The following NCOA1 variants were observed in gnomAD, a reference collection of about 807,000 sequenced individuals.
NCOA1 encodes Hin-2 protein.
Under a neutral mutation model 150.9 loss-of-function variants are expected in NCOA1, and 35 were observed. That is an observed-to-expected ratio of 0.23 (90% confidence interval 0.18 to 0.31). The LOEUF is 0.31. NCOA1 is among the 10% of genes least tolerant of loss of function. NCOA1 has a pLI of 1.00. For missense variants in NCOA1, 1,491 were observed against 1,749.3 expected (o/e 0.85, Z 2.63); for synonymous variants, 590 against 630.0 (o/e 0.94, Z 0.95).
intron 3 of NCOA1, among the ~76,000 whole-genome samples, chr2:24,611,783 A>C (rs189726634): frequency 6.6e-6 from 1 of 151,582 alleles, no homozygotes; most frequent in East Asian, 1.9e-4. Context: ...TCTTTCTCCA[A>C]CCCTTTACTT....
At chr2:24,521,851 T>C (rs970131120) in intron 1 of NCOA1, among the ~76,000 whole-genome samples, 1 of 152,190 alleles carries the variant, frequency 6.6e-6, no homozygotes, top group South Asian at 2.1e-4. Context: ...TCACCAACAA[T>C]GTATAAGGTT....
chr2:24,726,550 A>T, intron 14 of NCOA1, 39 bp from the exon 15 acceptor site: 1 of 1,291,472 alleles, frequency 7.7e-7, no homozygotes, highest in Non-Finnish European at 1.1e-6. Flanking sequence ...TTTATCCTCC[A>T]CTGAGATAAT....
At chr2:24,518,939 G>C (rs569250015) in intron 1 of NCOA1, among the ~76,000 whole-genome samples, 1 of 152,088 alleles carries the variant, frequency 6.6e-6, no homozygotes, top group Non-Finnish European at 1.5e-5. Context: ...CAAAATCCTA[G>C]CAGGAATTTT....
At chr2:24,510,966 CAG>C (rs1663912980) in intron 1 of NCOA1, among the ~76,000 whole-genome samples, 1 of 152,180 alleles carries the variant, frequency 6.6e-6, no homozygotes, top group African/African-American at 2.4e-5. Flanking sequence ...TTTGTTTCCT[CAG>C]AAAGAAATTC....
intron 21 of NCOA1, among the ~76,000 whole-genome samples, chr2:24,760,420 G>A (rs973850161): frequency 1.1e-4 from 16 of 149,902 alleles, no homozygotes; most frequent in African/African-American, 3.7e-4. Context: ...GCCTCCCAAA[G>A]TGCTGGGATT....
rs1294614066 is a variant in NCOA1, at chr2:24,741,984, C to T, written c.3504C>T (p.Pro1168=). The T allele has an allele frequency of 6.2e-7, 1 of 1,614,238 alleles. No homozygotes were observed. The highest frequency in any genetic ancestry group is 8.5e-7 in the Non-Finnish European group (1 of 1,180,046). The change falls in exon 19 of 23, where the codon CCC becomes CCT. Residue 1168 remains proline (P), a synonymous_variant. Transcript: ENST00000348332. ...CTCAGGGTGCTCCACAGCAATTCCC[C>T]TATCCACCAAACTATGGTACAAATC... ...RLPQGAPQQF[P]YPPNYGTNPG...
chr2:24,607,630 C>T (rs1296733179), intron 3 of NCOA1, among the ~76,000 whole-genome samples: 2 of 151,066 alleles, frequency 1.3e-5, no homozygotes, highest in Non-Finnish European at 2.9e-5. Flanking sequence ...GTGGAGATTG[C>T]AGTGAGCCAA....
rs761671708 is a variant in NCOA1 at position 24,762,677 on chromosome 2, T to C, written c.4066-10T>C. 6.2e-7 allele frequency: 1 copy of C among 1,610,708 alleles called. No individual in the cohort carries two copies. The highest frequency in any genetic ancestry group is 1.3e-5 in the African/African-American group (1 of 74,854). On this transcript the variant is annotated splice_polypyrimidine_tract_variant and intron_variant, in intron 21 of 22. Transcript: ENST00000348332. ...AGCTTGTAATTTGATCTTGTATTTA[T>C]CTTTAATAGATAAATGATCCCGCAC...
intron 1 of NCOA1, among the ~76,000 whole-genome samples, chr2:24,533,660 C>T (rs1664994866): frequency 6.6e-6 from 1 of 152,036 alleles, no homozygotes; most frequent in African/African-American, 2.4e-5. Flanking sequence ...GCATGAAGGG[C>T]TGTTGAATTT....
chr2:24,671,301 G>A (rs1221927323), intron 6 of NCOA1, among the ~76,000 whole-genome samples: 1 of 152,038 alleles, frequency 6.6e-6, no homozygotes, highest in Non-Finnish European at 1.5e-5. Context: ...GTATGTGTGG[G>A]GGATTGGTTC....
chr2:24,551,595 T>G (rs1665833733), intron 1 of NCOA1, among the ~76,000 whole-genome samples: 1 of 152,208 alleles, frequency 6.6e-6, no homozygotes, highest in Non-Finnish European at 1.5e-5. Context: ...AAAATGTTAT[T>G]TGAATATAGC....
At chr2:24,668,956 G>A (rs1018280604) in intron 6 of NCOA1, among the ~76,000 whole-genome samples, 1 of 152,106 alleles carries the variant, frequency 6.6e-6, no homozygotes, top group Non-Finnish European at 1.5e-5. Flanking sequence ...CACACACATC[G>A]GCTCCCTTAT....
intron 1 of NCOA1, among the ~76,000 whole-genome samples, chr2:24,528,344 C>CTT (rs375096042): frequency 0.024 from 3,045 of 125,838 alleles, 83 homozygotes; most frequent in Non-Finnish European, 0.035. Context: ...CAATTTCATT[C>CTT]TTTTTTTTTT....
chr2:24,748,001 G>A (rs552912393), intron 19 of NCOA1, among the ~76,000 whole-genome samples: 11 of 152,216 alleles, frequency 7.2e-5, no homozygotes, highest in Non-Finnish European at 1.2e-4. Flanking sequence ...AGCTACTCAG[G>A]AGGCTGAGGC....
At chr2:24,511,292 T>G (rs541123902) in intron 1 of NCOA1, among the ~76,000 whole-genome samples, 1 of 152,348 alleles carries the variant, frequency 6.6e-6, no homozygotes, top group South Asian at 2.1e-4. Context: ...TTTTCATTTG[T>G]CTTGAGTATA....
intron 1 of NCOA1, among the ~76,000 whole-genome samples, chr2:24,544,985 T>C (rs1208735151): frequency 6.6e-6 from 1 of 152,178 alleles, no homozygotes; most frequent in Non-Finnish European, 1.5e-5. Context: ...AACATAAGCA[T>C]TGAACACACA....
At chr2:24,699,852 A>T (rs928367632) in intron 11 of NCOA1, among the ~76,000 whole-genome samples, 1 of 152,184 alleles carries the variant, frequency 6.6e-6, no homozygotes, top group Admixed American at 6.5e-5. Flanking sequence ...CTTAAAGCTA[A>T]TGCTTAAGTT....
chr2:24,755,644 T>C (rs558756066), intron 20 of NCOA1, among the ~76,000 whole-genome samples: 3 of 152,356 alleles, frequency 2.0e-5, no homozygotes, highest in Admixed American at 6.5e-5. Flanking sequence ...GACGTCTTTC[T>C]AGGACCTAGG....
chr2:24,521,165 A>G (rs1664401312), intron 1 of NCOA1, among the ~76,000 whole-genome samples: 1 of 152,188 alleles, frequency 6.6e-6, no homozygotes. Context: ...TGCTTATGGT[A>G]TACAACATGG....
Sources: allele counts gnomAD v4.1 joint callset (sites outside exome capture counted in the v4.1 genomes callset), GRCh38; gene constraint gnomAD v4.1.1; transcripts MANE v1.5; gene names NCBI Gene and HGNC (gene_info 2026-07-23, HGNC 2026-07-21).